The following DIP2C variants were observed in gnomAD, a reference collection of about 807,000 sequenced individuals.
The protein encoded by DIP2C is DIP2 acetate--CoA ligase C (putative).
DIP2C carries 33 observed loss-of-function variants against 192.4 expected under a neutral mutation model. That is an observed-to-expected ratio of 0.17 (90% CI 0.13 to 0.23). The LOEUF is 0.23. DIP2C is among the 10% of genes least tolerant of loss of function. The probability of loss-of-function intolerance (pLI) is 1.00; values close to 1 mark genes in which losing one functional copy is unlikely to be tolerated. For missense variants in DIP2C, 1,537 were observed against 2,110.1 expected, an observed-to-expected ratio of 0.73 and a Z score of 5.32; for synonymous variants, 979 against 864.1, an observed-to-expected ratio of 1.13 and a Z score of -2.33.
Position 489,330 on chromosome 10 carries a change from A to G in DIP2C, c.86-2800T>C, listed in dbSNP as rs1347587928. On this transcript the variant is annotated intron_variant, in intron 1 of 36. Coordinates refer to ENST00000280886, the MANE Select transcript of DIP2C (RefSeq NM_014974.3). ...TGCCGTCCTTTATTTTGAAGAACCAATGTTTCCCGTGCGAATACAATCAGG... is the reference window on the plus strand; with the variant it reads ...TGCCGTCCTTTATTTTGAAGAACCAGTGTTTCCCGTGCGAATACAATCAGG... Among the ~76,000 whole-genome samples, 6 of 152,326 alleles carry G rather than the reference A, an allele frequency of 3.9e-5. No homozygotes were observed. In the East Asian group the frequency reaches 1.2e-3, roughly 29 times the overall value.
intron 8 of DIP2C, among the ~76,000 whole-genome samples, chr10:411,570 C>T (rs1452433123): frequency 6.6e-6 from 1 of 152,160 alleles, no homozygotes; most frequent in East Asian, 1.9e-4. Flanking sequence ...AATACAGCCC[C>T]TTCAGTTACA....
At chr10:673,860 G>T (rs1588745282) in intron 1 of DIP2C, among the ~76,000 whole-genome samples, 1 of 152,180 alleles carries the variant, frequency 6.6e-6, no homozygotes, top group Non-Finnish European at 1.5e-5. Flanking sequence ...AGAAAATGAG[G>T]CATGAAAGGA....
intron 4 of DIP2C, among the ~76,000 whole-genome samples, chr10:423,343 C>A (rs533585611): frequency 6.6e-6 from 1 of 152,322 alleles, no homozygotes; most frequent in East Asian, 1.9e-4. Context: ...TTGCTTGTGT[C>A]ACCCACAAAG....
Position 531,860 on chromosome 10 carries a change from C to T in DIP2C, c.86-45330G>A, listed in dbSNP as rs1298670335. ...CCAATGCAGGCAACGCTTGCAACTCCAGCACGCGGCAGCTTCCAGCTCCAG... is the reference window on the plus strand; with the variant it reads ...CCAATGCAGGCAACGCTTGCAACTCTAGCACGCGGCAGCTTCCAGCTCCAG... On this transcript the variant is annotated intron_variant, in intron 1 of 36. Coordinates refer to ENST00000280886, the MANE Select transcript of DIP2C (RefSeq NM_014974.3). 2.0e-5 allele frequency among the ~76,000 whole-genome samples: 3 copies of T among 152,238 alleles called. No individual in the cohort carries two copies. The East Asian group carries it at 5.8e-4, about 29-fold the overall frequency.
chr10:631,625 T>C (rs533614339), intron 1 of DIP2C, among the ~76,000 whole-genome samples: 1 of 152,350 alleles, frequency 6.6e-6, no homozygotes, highest in South Asian at 2.1e-4. Flanking sequence ...AAGATTGTTT[T>C]TAAATATTTT....
intron 1 of DIP2C, among the ~76,000 whole-genome samples, chr10:558,860 G>A (rs2130986212): frequency 6.6e-6 from 1 of 152,238 alleles, no homozygotes; most frequent in Middle Eastern, 3.4e-3. Context: ...GAAGAGCTGG[G>A]GCTAATGATG....
intron 1 of DIP2C, among the ~76,000 whole-genome samples, chr10:581,053 C>G (rs1850616520): frequency 6.6e-6 from 1 of 152,156 alleles, no homozygotes; most frequent in South Asian, 2.1e-4. Flanking sequence ...ACCAATGTCC[C>G]AGGGTGAGGG....
chr10:435,837 C>A (rs990621114), intron 4 of DIP2C, among the ~76,000 whole-genome samples: 1 of 152,016 alleles, frequency 6.6e-6, no homozygotes, highest in Non-Finnish European at 1.5e-5. Context: ...ATTTGATTCC[C>A]GAAATATTTA....
intron 24 of DIP2C, among the ~76,000 whole-genome samples, chr10:350,951 ATTC>A (rs1366432950): frequency 6.6e-6 from 1 of 152,124 alleles, no homozygotes; most frequent in Non-Finnish European, 1.5e-5. Context: ...CAGCCCAGGA[ATTC>A]TTATGTGAGT....
At position 362,560 on chromosome 10, in the gene DIP2C, G is replaced by A. The variant is rs1489349485; in HGVS notation, c.2724C>T (p.His908=). 3 of 1,614,132 alleles carry A rather than the reference G, an allele frequency of 1.9e-6. No homozygotes were observed. The highest frequency in any genetic ancestry group is 2.2e-5 in the East Asian group (1 of 44,874). The change falls in exon 22 of 37, where the codon CAC becomes CAT. Residue 908 remains histidine, a synonymous_variant. Coordinates refer to ENST00000280886, the MANE Select transcript of DIP2C (RefSeq NM_014974.3). ...TKQLFLEGSL[H]PCNVLMCPHT... The stretch of plus-strand genomic sequence containing the variant: ...GGGGGCACATTAGGACATTGCAGGG[G>A]TGCAGAGAGCCCTCCAGAAAAAGCT...
chr10:333,723 C>G (rs1021243628), intron 29 of DIP2C, among the ~76,000 whole-genome samples: 14 of 152,344 alleles, frequency 9.2e-5, no homozygotes, highest in African/African-American at 3.4e-4. Flanking sequence ...TACATTCCCA[C>G]TATCAATGTA....
chr10:663,900 G>C (rs45473196), intron 1 of DIP2C: 2 of 149,338 alleles, frequency 1.3e-5, no homozygotes, highest in East Asian at 3.9e-4. Flanking sequence ...TGCCAAGGAC[G>C]GCCTCCTCCC....
chr10:325,255 A>G (rs1264046337), intron 31 of DIP2C, among the ~76,000 whole-genome samples: 6 of 151,948 alleles, frequency 3.9e-5, no homozygotes, highest in African/African-American at 9.7e-5. Flanking sequence ...ACAGAGTGAT[A>G]CTCCATCTCA....
intron 1 of DIP2C, chr10:663,026 T>C: frequency 4.4e-6 from 3 of 688,150 alleles, no homozygotes; most frequent in Admixed American, 4.1e-5. Context: ...CAGGAAAGAC[T>C]CTAAACACTC....
At chr10:571,776 G>A (rs1352072827) in intron 1 of DIP2C, among the ~76,000 whole-genome samples, 1 of 152,192 alleles carries the variant, frequency 6.6e-6, no homozygotes, top group Non-Finnish European at 1.5e-5. Context: ...GCTGTGACCA[G>A]GGGTAGCAAC....
At chr10:643,602 G>C (rs547528839) in intron 1 of DIP2C, among the ~76,000 whole-genome samples, 1 of 152,324 alleles carries the variant, frequency 6.6e-6, no homozygotes, top group East Asian at 1.9e-4. Flanking sequence ...CCACCCAGGA[G>C]CATGCCAAGC....
chr10:516,002 T>C (rs1249567211), intron 1 of DIP2C, among the ~76,000 whole-genome samples: 2 of 151,650 alleles, frequency 1.3e-5, no homozygotes, highest in African/African-American at 4.8e-5. Flanking sequence ...CAAACCAGAT[T>C]CCTTGCTTTC....
chr10:288,635 C>G (rs1267936518), intron 32 of DIP2C, among the ~76,000 whole-genome samples: 1 of 152,222 alleles, frequency 6.6e-6, no homozygotes, highest in Non-Finnish European at 1.5e-5. Flanking sequence ...GAAGCCGCAT[C>G]TCTCAAACCT....
chr10:411,976 A>T (rs773299486), intron 8 of DIP2C, among the ~76,000 whole-genome samples: 2 of 152,270 alleles, frequency 1.3e-5, no homozygotes, highest in Non-Finnish European at 2.9e-5. Context: ...ATTAAAATAC[A>T]ACATATAGAT....
Sources: allele counts gnomAD v4.1 joint callset (sites outside exome capture counted in the v4.1 genomes callset), GRCh38; gene constraint gnomAD v4.1.1; transcripts MANE v1.5; gene names NCBI Gene and HGNC (gene_info 2026-07-23, HGNC 2026-07-21).